LCLAT1: variants seen among roughly 807,000 people sequenced by gnomAD.
The protein encoded by LCLAT1 is 1-AGP acyltransferase 8.
Under a neutral mutation model 30.7 loss-of-function variants are expected in LCLAT1, and 11 were observed. The observed-to-expected ratio is 0.36, with a 90% CI of 0.23 to 0.59. LCLAT1 has a LOEUF of 0.59. Ranked by LOEUF, LCLAT1 falls within the 20% of genes least tolerant of loss-of-function variation. The probability of loss-of-function intolerance (pLI) is 0.77; values close to 1 mark genes in which losing one functional copy is unlikely to be tolerated. For missense variants in LCLAT1, 402 were observed against 458.6 expected, an observed-to-expected ratio of 0.88 and a Z score of 1.13; for synonymous variants, 155 against 151.3, an observed-to-expected ratio of 1.02 and a Z score of -0.18.
chr2:30,638,720 T>C (rs373249423), intron 5 of LCLAT1, among the ~76,000 whole-genome samples: 15 of 151,894 alleles, frequency 9.9e-5, no homozygotes, highest in African/African-American at 3.1e-4. Flanking sequence ...GGCCCCACCA[T>C]CTACTTGGTA....
chr2:30,500,825 A>G (rs1240049248), intron 1 of LCLAT1, among the ~76,000 whole-genome samples: 1 of 152,322 alleles, frequency 6.6e-6, no homozygotes, highest in East Asian at 1.9e-4. Flanking sequence ...GAATAAACGT[A>G]GAAATTGACC....
chr2:30,602,276 G>GTGTATCTTACTAGATCT (rs576905563), intron 5 of LCLAT1, among the ~76,000 whole-genome samples: 168 of 152,342 alleles, frequency 1.1e-3, no homozygotes, highest in Admixed American at 6.6e-3. Context: ...TTTCTGCACT[G>GTGTATCTTACTAGATCT]TGTATCTTAC....
chr2:30,597,570 A>T (rs1466367588), intron 5 of LCLAT1, among the ~76,000 whole-genome samples: 1 of 152,218 alleles, frequency 6.6e-6, no homozygotes, highest in Non-Finnish European at 1.5e-5. Flanking sequence ...TTCTAGATAC[A>T]GGATCATGTC....
At chr2:30,520,024 C>T (rs768965219) in intron 1 of LCLAT1, among the ~76,000 whole-genome samples, 6 of 152,168 alleles carry the variant, frequency 3.9e-5, no homozygotes, top group East Asian at 1.9e-4. Context: ...TGTTTCTGTG[C>T]GGCTAAGTGC....
intron 4 of LCLAT1, among the ~76,000 whole-genome samples, chr2:30,563,961 C>A (rs764945532): frequency 2.0e-4 from 30 of 152,200 alleles, no homozygotes; most frequent in Middle Eastern, 3.4e-3. Flanking sequence ...AGTCAGATCT[C>A]TAAAATGTAT....
chr2:30,561,586 C>G (rs147101573), intron 3 of LCLAT1, among the ~76,000 whole-genome samples: 120 of 152,274 alleles, frequency 7.9e-4, no homozygotes, highest in Middle Eastern at 3.4e-3. Flanking sequence ...TCATAGTGTA[C>G]ACTCTGATTA....
intron 5 of LCLAT1, among the ~76,000 whole-genome samples, chr2:30,580,570 G>A (rs533312361): frequency 2.0e-4 from 31 of 152,220 alleles, no homozygotes; most frequent in African/African-American, 7.0e-4. Context: ...GGAGAGGGCT[G>A]GGGTGTAGAC....
chr2:30,467,194 GT>G, intron 1 of LCLAT1, among the ~76,000 whole-genome samples: 1 of 152,214 alleles, frequency 6.6e-6, no homozygotes, highest in South Asian at 2.1e-4. Flanking sequence ...GTGGTATTTG[GT>G]TTTTTGTCCT....
intron 5 of LCLAT1, among the ~76,000 whole-genome samples, chr2:30,588,697 T>C (rs958439636): frequency 5.3e-5 from 8 of 152,042 alleles, no homozygotes; most frequent in Non-Finnish European, 1.2e-4. Context: ...GTCTCCCGGG[T>C]TCAAACAATT....
At chr2:30,525,197 G>T (rs1406314516) in intron 1 of LCLAT1, among the ~76,000 whole-genome samples, 8 of 151,854 alleles carry the variant, frequency 5.3e-5, no homozygotes, top group Admixed American at 5.3e-4. Flanking sequence ...ATCTACCTCA[G>T]CCTCCCACGT....
intron 1 of LCLAT1, among the ~76,000 whole-genome samples, chr2:30,482,226 A>G (rs1399200995): frequency 6.6e-6 from 1 of 152,212 alleles, no homozygotes; most frequent in Non-Finnish European, 1.5e-5. Flanking sequence ...CTTGTTCTAA[A>G]CTAAGCACTG....
intron 5 of LCLAT1, among the ~76,000 whole-genome samples, chr2:30,597,723 T>G (rs779575120): frequency 5.9e-5 from 9 of 152,068 alleles, no homozygotes; most frequent in Non-Finnish European, 1.0e-4. Flanking sequence ...TTTATGCTGG[T>G]TTTTCAAGGG....
At chr2:30,580,916 T>C (rs751228667) in intron 5 of LCLAT1, among the ~76,000 whole-genome samples, 2 of 152,168 alleles carry the variant, frequency 1.3e-5, no homozygotes, top group Non-Finnish European at 2.9e-5. Flanking sequence ...CCTGTTGGCT[T>C]TAGCATCATC....
intron 1 of LCLAT1, among the ~76,000 whole-genome samples, chr2:30,509,315 T>C (rs561700105): frequency 6.6e-6 from 1 of 152,258 alleles, no homozygotes; most frequent in South Asian, 2.1e-4. Flanking sequence ...TGAATAGGAG[T>C]AGTGAGAGAG....
At chr2:30,505,338 T>TC (rs925404105) in intron 1 of LCLAT1, among the ~76,000 whole-genome samples, 2 of 151,954 alleles carry the variant, frequency 1.3e-5, no homozygotes, top group African/African-American at 4.8e-5. Context: ...CTTTTTTTTT[T>TC]TTTTTTTTTT....
chr2:30,494,778 T>A (rs1048278384), intron 1 of LCLAT1, among the ~76,000 whole-genome samples: 26 of 152,048 alleles, frequency 1.7e-4, no homozygotes, highest in African/African-American at 6.0e-4. Context: ...ATGGAAAAAT[T>A]GATCAGTTGA....
At chr2:30,491,841 A>G (rs754222616) in intron 1 of LCLAT1, among the ~76,000 whole-genome samples, 9 of 152,196 alleles carry the variant, frequency 5.9e-5, no homozygotes, top group Non-Finnish European at 1.3e-4. Context: ...TACATGGCCA[A>G]ATAATAACCA....
chr2:30,520,797 A>C lies in LCLAT1; in HGVS notation c.-4-4790A>C, dbSNP rs1204980158. On this transcript the variant is annotated intron_variant, in intron 1 of 5. Transcript: ENST00000379509. Reference sequence around the variant, plus strand: ...TATATACATAGCATAATTTTTTAAAAATTTATTTAAAAATCTACAAACAGT... The same window carrying C: ...TATATACATAGCATAATTTTTTAAACATTTATTTAAAAATCTACAAACAGT... 3.9e-5 allele frequency among the ~76,000 whole-genome samples: 6 copies of C among 152,224 alleles called. No homozygotes were observed. The East Asian group carries it at 1.2e-3, about 29-fold the overall frequency.
chr2:30,638,257 G>C (rs1235702222), intron 5 of LCLAT1, among the ~76,000 whole-genome samples: 1 of 152,202 alleles, frequency 6.6e-6, no homozygotes, highest in Non-Finnish European at 1.5e-5. Context: ...TGTGGGATAA[G>C]GTGGGGGAAT....
Sources: allele counts gnomAD v4.1 joint callset (sites outside exome capture counted in the v4.1 genomes callset), GRCh38; gene constraint gnomAD v4.1.1; transcripts MANE v1.5; gene names NCBI Gene and HGNC (gene_info 2026-07-23, HGNC 2026-07-21).